Variants in MARCHF3 observed in about 807,000 individuals in gnomAD.
MARCHF3 encodes membrane associated ring-CH-type finger 3, also known as E3 ubiquitin-protein ligase MARCHF3.
MARCHF3 carries 13 observed loss-of-function variants against 24.2 expected under a neutral mutation model. The observed-to-expected ratio is 0.54, with a 90% CI of 0.35 to 0.85. The LOEUF is 0.85. Among genes scored for constraint, MARCHF3 ranks in the 40% least tolerant of loss-of-function variants. The pLI, the probability that MARCHF3 is intolerant of heterozygous loss-of-function variation, is 0.01. For missense variants in MARCHF3, 276 were observed against 325.0 expected (o/e 0.85, Z 1.16); for synonymous variants, 144 against 137.3 (o/e 1.05, Z -0.34).
At chr5:127,028,291 T>C (rs1216189529) in intron 1 of MARCHF3, among the ~76,000 whole-genome samples, 1 of 152,190 alleles carries the variant, frequency 6.6e-6, no homozygotes, top group Non-Finnish European at 1.5e-5. Context: ...ATTAAAGGAA[T>C]TTATTGTTTT....
chr5:126,888,347 A>T (rs904474441), intron 3 of MARCHF3, among the ~76,000 whole-genome samples: 7 of 152,196 alleles, frequency 4.6e-5, no homozygotes, highest in African/African-American at 1.7e-4. Context: ...CTCCATAAAT[A>T]CTATGCTTAT....
intron 1 of MARCHF3, among the ~76,000 whole-genome samples, chr5:126,925,956 G>T (rs1749280587): frequency 6.6e-6 from 1 of 152,170 alleles, no homozygotes; most frequent in African/African-American, 2.4e-5. Flanking sequence ...GATAATACAA[G>T]AGAAAAACAT....
chr5:126,992,841 T>G (rs142344016), intron 1 of MARCHF3, among the ~76,000 whole-genome samples: 5,056 of 148,088 alleles, frequency 0.034, 165 homozygotes, highest in South Asian at 0.13. Context: ...GCGCGATCTC[T>G]GTTCACTGCA....
intron 3 of MARCHF3, among the ~76,000 whole-genome samples, chr5:126,908,805 CCTT>C (rs1344482363): frequency 2.0e-5 from 3 of 151,968 alleles, no homozygotes; most frequent in Non-Finnish European, 4.4e-5. Flanking sequence ...TCGTCTGAAG[CCTT>C]CTTCTCTCAG....
intron 1 of MARCHF3, among the ~76,000 whole-genome samples, chr5:126,953,989 C>T (rs1320161009): frequency 6.6e-6 from 1 of 151,830 alleles, no homozygotes; most frequent in African/African-American, 2.4e-5. Flanking sequence ...TTTTAATTTC[C>T]ACTCTTTTAT....
rs1297034656 is a variant in MARCHF3 at position 126,869,650 on chromosome 5, T to A, written c.*983A>T. 2.3e-5 allele frequency: 3 copies of A among 128,166 alleles called. No homozygotes were observed. Among genetic ancestry groups the A allele is most frequent in the Non-Finnish European group, 4.7e-5 (3 of 63,616 alleles). 7.9% of individuals were successfully genotyped at this position (128,166 alleles called of 1,614,324 possible). A position where few individuals can be genotyped will look rare whatever the true frequency, so the allele number is the denominator to read the frequency against. On this transcript the variant is annotated 3_prime_UTR_variant, in exon 5 of 5. Transcript: ENST00000308660. ...TAGAAATTCAATAGAGCAATGGGAA[T>A]GCTAATTGACATGCAAAACAGGTCT...
At chr5:126,961,297 C>A (rs1038305893) in intron 1 of MARCHF3, among the ~76,000 whole-genome samples, 1 of 152,072 alleles carries the variant, frequency 6.6e-6, no homozygotes, top group African/African-American at 2.4e-5. Context: ...AAATGAGGAA[C>A]ATTGATCTAC....
intron 2 of MARCHF3, among the ~76,000 whole-genome samples, chr5:126,916,688 G>GACACACACACACACAC (rs756972169): frequency 1.8e-3 from 138 of 76,480 alleles, no homozygotes; most frequent in Middle Eastern, 0.012. Context: ...CAGACAGACA[G>GACACACACACACACAC]ACAGACACAC....
rs1409013068 is a variant in MARCHF3, at chr5:126,916,684, G to GACAC, written c.188+1299_188+1300insGTGT. On this transcript the variant is annotated intron_variant, in intron 2 of 4. Transcript: ENST00000308660. Reference sequence around the variant, plus strand: ...AGCAGGTAAAAATACCTGACAGACAGACAGACAGACACACACACACACACA... The same window carrying GACAC: ...AGCAGGTAAAAATACCTGACAGACAGACACACAGACAGACACACACACACACACA... Among the ~76,000 whole-genome samples, 639 of 93,348 alleles carry GACAC rather than the reference G, an allele frequency of 6.8e-3. 2 individuals are homozygous for GACAC. The highest frequency in any genetic ancestry group is 0.029 in the African/African-American group (608 of 21,210). The allele number at this position is 93,348 out of a possible 152,430, so 61.2% of individuals were successfully genotyped here.
At chr5:126,931,570 TACACACACACACAC>T (rs57567399) in intron 1 of MARCHF3, among the ~76,000 whole-genome samples, 54 of 142,780 alleles carry the variant, frequency 3.8e-4, no homozygotes, top group East Asian at 8.4e-4. Context: ...CATACATGAA[TACACACACACACAC>T]ACACACACAC....
intron 1 of MARCHF3, among the ~76,000 whole-genome samples, chr5:126,953,121 G>C (rs1750310906): frequency 6.6e-6 from 1 of 152,068 alleles, no homozygotes; most frequent in Non-Finnish European, 1.5e-5. Context: ...TTTTATAGTT[G>C]CACTACAGAT....
In MARCHF3 at chr5:126,914,996, G is replaced by A. The variant is rs1026008802; in HGVS notation, c.327C>T (p.Asn109=). Residue 109 remains asparagine (N), a synonymous_variant, in exon 3 of 5, where the codon AAC becomes AAT. Coordinates refer to ENST00000308660, the MANE Select transcript of MARCHF3 (RefSeq NM_178450.5). The stretch of plus-strand genomic sequence containing the variant: ...AGTGGCAGAGTTCACAGTAGCTGGT[G>A]TTTGAGGATGACAGCCAGTGCTCCA... The part of the protein sequence containing the change: ...SCLEHWLSSS[N]TSYCELCHFR... 2 of 1,614,090 alleles carry A rather than the reference G, an allele frequency of 1.2e-6. No individual in the cohort carries two copies. The highest frequency in any genetic ancestry group is 1.3e-5 in the African/African-American group (1 of 74,938).
intron 1 of MARCHF3, among the ~76,000 whole-genome samples, chr5:126,989,710 C>T (rs943678250): frequency 6.6e-6 from 1 of 152,138 alleles, no homozygotes; most frequent in Admixed American, 6.5e-5. Context: ...GGAGTAGTAT[C>T]AACATGTATA....
intron 1 of MARCHF3, among the ~76,000 whole-genome samples, chr5:126,936,763 G>A (rs1180102199): frequency 2.6e-5 from 4 of 152,136 alleles, no homozygotes; most frequent in Admixed American, 6.5e-5. Context: ...CCAAACTAGA[G>A]CAAGCAACCA....
intron 3 of MARCHF3, among the ~76,000 whole-genome samples, chr5:126,883,045 T>C (rs560226323): frequency 6.6e-6 from 1 of 152,330 alleles, no homozygotes; most frequent in East Asian, 1.9e-4. Context: ...TACATCTTAA[T>C]TGTACTTATC....
intron 1 of MARCHF3, among the ~76,000 whole-genome samples, chr5:126,935,777 A>AT (rs1187097740): frequency 6.6e-6 from 1 of 151,490 alleles, no homozygotes; most frequent in African/African-American, 2.4e-5. Context: ...TGCCTGGCTA[A>AT]TTTTTGTATT....
At chr5:126,993,908 A>C (rs950461519) in intron 1 of MARCHF3, among the ~76,000 whole-genome samples, 21 of 152,202 alleles carry the variant, frequency 1.4e-4, no homozygotes, top group African/African-American at 4.8e-4. Flanking sequence ...AGTTCTTGTG[A>C]ATACTATAGG....
At chr5:126,885,533 T>C (rs551968543) in intron 3 of MARCHF3, among the ~76,000 whole-genome samples, 1 of 123,392 alleles carries the variant, frequency 8.1e-6, no homozygotes, top group Non-Finnish European at 1.8e-5. Flanking sequence ...TGCCATTGCA[T>C]TCCAGCCTGG....
At chr5:126,903,142 T>A (rs1268882814) in intron 3 of MARCHF3, among the ~76,000 whole-genome samples, 1 of 151,900 alleles carries the variant, frequency 6.6e-6, no homozygotes. Context: ...GAAGATGAGG[T>A]GTTGGTAGAA....
Sources: allele counts gnomAD v4.1 joint callset (sites outside exome capture counted in the v4.1 genomes callset), GRCh38; gene constraint gnomAD v4.1.1; transcripts MANE v1.5; gene names NCBI Gene and HGNC (gene_info 2026-07-23, HGNC 2026-07-21).